Variants in ALKAL2 observed in about 807,000 individuals in gnomAD.
ALKAL2 encodes ALK and LTK ligand 2.
A neutral mutation model predicts 18.5 loss-of-function variants in ALKAL2; 8 were observed. That is an observed-to-expected ratio of 0.43 (90% confidence interval 0.25 to 0.78). The LOEUF (loss-of-function observed/expected upper bound fraction) is 0.78. Among genes scored for constraint, ALKAL2 ranks in the 30% least tolerant of loss-of-function variants. The pLI, the probability that ALKAL2 is intolerant of heterozygous loss-of-function variation, is 0.22. For missense variants in ALKAL2, 241 were observed against 211.2 expected (o/e 1.14, Z -0.88); for synonymous variants, 135 against 95.8 (o/e 1.41, Z -2.39).
rs1670269806 is a variant in ALKAL2, at chr2:279,615, C to T, written c.*532G>A. 2 of 154,708 alleles carry T rather than the reference C, an allele frequency of 1.3e-5. No homozygotes were observed. The highest frequency in any genetic ancestry group is 2.0e-4 in the South Asian group (1 of 4,962). The allele number at this position is 154,708 out of a possible 1,614,324, so 9.6% of individuals were successfully genotyped here. ...GTTTATTTACACTATTTACATATTG[C>T]ACAATAGCTGGAATACTATTTTACA... On this transcript the variant is annotated 3_prime_UTR_variant, in exon 6 of 6. Coordinates refer to ENST00000403610, the MANE Select transcript of ALKAL2 (RefSeq NM_001002919.3).
At chr2:285,212 T>C (rs954353891) in intron 4 of ALKAL2, among the ~76,000 whole-genome samples, 2 of 152,268 alleles carry the variant, frequency 1.3e-5, no homozygotes, top group African/African-American at 4.8e-5. Context: ...GAAGCAGCTC[T>C]ATAAATGATG....
chr2:285,050 T>C (rs1286677500), intron 4 of ALKAL2, among the ~76,000 whole-genome samples: 2 of 152,098 alleles, frequency 1.3e-5, no homozygotes, highest in Non-Finnish European at 2.9e-5. Context: ...ATGATGTTGC[T>C]AAAGGTATGG....
chr2:283,341 TTAA>T (rs1227193867), intron 4 of ALKAL2, 166 bp from the exon 5 acceptor site: 3 of 985,280 alleles, frequency 3.0e-6, no homozygotes, highest in Non-Finnish European at 3.6e-6. Context: ...AGTTGTTGAC[TTAA>T]TAATTTATGG....
intron 5 of ALKAL2, among the ~76,000 whole-genome samples, chr2:280,772 A>G (rs1489285710): frequency 6.6e-6 from 1 of 152,114 alleles, no homozygotes; most frequent in Non-Finnish European, 1.5e-5. Flanking sequence ...TGGTGGGGAC[A>G]TTGTTCTCTT....
In ALKAL2 at chr2:285,278, C is replaced by T. The variant is rs146252380; in HGVS notation, c.388+845G>A. ...TAAACAAAGAAAAGCACTTATACTTCGTGTACATTGGCTTTTCGTTTGTTT... is the reference window on the plus strand; with the variant it reads ...TAAACAAAGAAAAGCACTTATACTTTGTGTACATTGGCTTTTCGTTTGTTT... On this transcript the variant is annotated intron_variant, in intron 4 of 5. Transcript: ENST00000403610. 1.9e-3 allele frequency among the ~76,000 whole-genome samples: 284 copies of T among 152,286 alleles called. 1 individual carries two copies. In the Middle Eastern group the frequency reaches 0.027, roughly 15 times the overall value.
rs1368644462 is a variant in ALKAL2 at position 283,189 on chromosome 2, A to T, written c.389-14T>A. ...ATCTTTTATAGTCTACGGTGAAAATATATCAGACTCTTGTCAGTTACTTAA... is the reference window on the plus strand; with the variant it reads ...ATCTTTTATAGTCTACGGTGAAAATTTATCAGACTCTTGTCAGTTACTTAA... On this transcript the variant is annotated splice_polypyrimidine_tract_variant and intron_variant, in intron 4 of 5. Transcript: ENST00000403610. 6.2e-7 allele frequency: 1 copy of T among 1,611,020 alleles called. No individual in the cohort carries two copies. The highest frequency in any genetic ancestry group is 8.5e-7 in the Non-Finnish European group (1 of 1,178,952).
intron 5 of ALKAL2, among the ~76,000 whole-genome samples, chr2:282,025 T>C (rs1216188123): frequency 1.3e-5 from 2 of 152,172 alleles, no homozygotes; most frequent in African/African-American, 4.8e-5. Context: ...AGTGAAACTG[T>C]GCAAAATGCA....
rs1670283291 is a variant in ALKAL2, at chr2:279,975, T to G, written c.*172A>C. 2.9e-6 allele frequency: 2 copies of G among 698,906 alleles called. No individual in the cohort carries two copies. The highest frequency in any genetic ancestry group is 5.2e-6 in the Non-Finnish European group (2 of 387,138). The allele number at this position is 698,906 out of a possible 1,614,324, so 43.3% of individuals were successfully genotyped here. ...GTCAAGTACACTGATTTATCGAATATATATCTGCAAACTGTCAACAACATA... is the reference window on the plus strand; with the variant it reads ...GTCAAGTACACTGATTTATCGAATAGATATCTGCAAACTGTCAACAACATA... On this transcript the variant is annotated 3_prime_UTR_variant, in exon 6 of 6. Coordinates refer to ENST00000403610, the MANE Select transcript of ALKAL2 (RefSeq NM_001002919.3).
chr2:287,939 A>C (rs1670584932), intron 1 of ALKAL2, 47 bp from the exon 2 acceptor site: 2 of 704,790 alleles, frequency 2.8e-6, no homozygotes, highest in Non-Finnish European at 3.4e-6. Flanking sequence ...TCAGCGGGGG[A>C]GGGGGACGGA....
At position 279,917 on chromosome 2, in the gene ALKAL2, T is replaced by C; in HGVS notation, c.*230A>G. On this transcript the variant is annotated 3_prime_UTR_variant, in exon 6 of 6. Transcript: ENST00000403610. ...CGTCAAATGTGGAGCATTCCTTTTG[T>C]GTTTTTTTTTTAAATAAGTGACAGA... 1 of 506,008 alleles carries C rather than the reference T, an allele frequency of 2.0e-6. No homozygotes were observed. The highest frequency in any genetic ancestry group is 2.9e-5 in the East Asian group (1 of 34,628). The allele number at this position is 506,008 out of a possible 1,614,324, so 31.3% of individuals were successfully genotyped here. A position where few individuals can be genotyped will look rare whatever the true frequency, so the allele number is the denominator to read the frequency against.
At position 287,793 on chromosome 2, in the gene ALKAL2, C is replaced by G; in HGVS notation, c.43G>C (p.Val15Leu). ...CGGCCGCGCCCCGCCGCCCCCAGCA[C>G]CAGCAGCAGCCCCAGGAGGAGGGGG... ...GHPLLLGLLL[V>L]LGAAGRGRGG... The change falls in exon 2 of 6, where the codon GTG becomes CTG. Residue 15 changes from valine (V) to leucine (L), a missense_variant. Physicochemically the swap from Val to Leu is conservative, Grantham distance 32 (BLOSUM62 1). Transcript: ENST00000403610. The G allele has an allele frequency of 7.2e-7, 1 of 1,383,660 alleles. No homozygotes were observed. The highest frequency in any genetic ancestry group is 9.3e-7 in the Non-Finnish European group (1 of 1,076,106). 85.7% of individuals were successfully genotyped at this position (1,383,660 alleles called of 1,614,324 possible).
rs913464802 is a variant in ALKAL2, at chr2:279,964, T to C, written c.*183A>G. ...CAGATAACACTGTCAAGTACACTGA[T>C]TTATCGAATATATATCTGCAAACTG... On this transcript the variant is annotated 3_prime_UTR_variant, in exon 6 of 6. Coordinates refer to ENST00000403610, the MANE Select transcript of ALKAL2 (RefSeq NM_001002919.3). The C allele has an allele frequency of 6.2e-6, 4 of 648,604 alleles. No homozygotes were observed. The highest frequency in any genetic ancestry group is 8.4e-6 in the Non-Finnish European group (3 of 358,372). The allele number at this position is 648,604 out of a possible 1,614,324, so 40.2% of individuals were successfully genotyped here.
Position 280,124 on chromosome 2 carries a change from T to G in ALKAL2, c.*23A>C. 1 of 1,613,990 alleles carries G rather than the reference T, an allele frequency of 6.2e-7. No individual in the cohort carries two copies. The highest frequency in any genetic ancestry group is 8.5e-7 in the Non-Finnish European group (1 of 1,179,852). ...CCAAGGCACTTCTCATGGCTCCTGG[T>G]GTGCTGCTCCTGTACGGTCTGCTCA... On this transcript the variant is annotated 3_prime_UTR_variant, in exon 6 of 6. Coordinates refer to ENST00000403610, the MANE Select transcript of ALKAL2 (RefSeq NM_001002919.3).
At chr2:286,520 G>A in intron 2 of ALKAL2, 177 bp from the exon 3 acceptor site, 2 of 547,022 alleles carry the variant, frequency 3.7e-6, no homozygotes, top group East Asian at 3.0e-5. Context: ...CTCAATATCA[G>A]GGACATTTAT....
At chr2:287,285 G>A (rs1242300641) in intron 2 of ALKAL2, 13 of 303,888 alleles carry the variant, frequency 4.3e-5, no homozygotes, top group Non-Finnish European at 7.8e-5. Context: ...TTCCTTTTCA[G>A]TTGGGAAAGC....
chr2:285,967 G>T (rs1258660559), intron 4 of ALKAL2, 156 bp downstream of exon 4: 6 of 615,786 alleles, frequency 9.7e-6, no homozygotes, highest in Non-Finnish European at 1.4e-5. Context: ...GTTATCTTCT[G>T]CAATGGTCTG....
intron 4 of ALKAL2, 71 bp downstream of exon 4, chr2:286,052 G>T: frequency 1.5e-6 from 2 of 1,368,374 alleles, no homozygotes; most frequent in South Asian, 2.5e-5. Flanking sequence ...GCCTATATGA[G>T]GAAATGGAAA....
At chr2:282,689 A>C (rs1448257562) in intron 5 of ALKAL2, among the ~76,000 whole-genome samples, 4 of 152,178 alleles carry the variant, frequency 2.6e-5, no homozygotes, top group African/African-American at 9.7e-5. Context: ...TTATGAGCTT[A>C]TGACTACAAC....
In ALKAL2 at chr2:287,869, G is replaced by T; in HGVS notation, c.-34C>A. ...CGGGGCCGCGGGGCTGGGAGACTCC[G>T]ACACGCGCCGAGAGCTGGGCTCGCT... On this transcript the variant is annotated 5_prime_UTR_variant, in exon 2 of 6. Transcript: ENST00000403610. 1 of 1,261,138 alleles carries T rather than the reference G, an allele frequency of 7.9e-7. No homozygotes were observed. Among genetic ancestry groups the T allele is most frequent in the South Asian group, 3.0e-5 (1 of 33,438 alleles). The allele number at this position is 1,261,138 out of a possible 1,614,324, so 78.1% of individuals were successfully genotyped here.
Sources: gnomAD v4.1 joint callset for allele counts (sites outside exome capture counted in the v4.1 genomes callset) on GRCh38, gnomAD v4.1.1 for gene constraint, MANE v1.5 for transcripts, NCBI Gene and HGNC (gene_info 2026-07-23, HGNC 2026-07-21) for gene names.